The following CAPZB variants were observed in gnomAD, a reference collection of about 807,000 sequenced individuals.
The protein encoded by CAPZB is capping actin protein of muscle Z-line subunit beta, also known as F-actin-capping protein subunit beta.
In CAPZB, 2 loss-of-function variants were observed where a neutral mutation model predicts 38.1. That is an observed-to-expected ratio of 0.05 (90% CI 0.02 to 0.17). CAPZB has a LOEUF of 0.17. Ranked by LOEUF, CAPZB falls within the 10% of genes least tolerant of loss-of-function variation. The pLI, the probability that CAPZB is intolerant of heterozygous loss-of-function variation, is 1.00. For synonymous variants in CAPZB, 107 were observed against 127.4 expected (o/e 0.84, Z 1.08); for missense variants, 161 against 334.2 (o/e 0.48, Z 4.04).
At chr1:19,339,995 C>G (rs958270005) in intron 8 of CAPZB, among the ~76,000 whole-genome samples, 1 of 152,236 alleles carries the variant, frequency 6.6e-6, no homozygotes, top group Non-Finnish European at 1.5e-5. Flanking sequence ...CACAATGGAA[C>G]AAAGCCCCTC....
At chr1:19,402,489 C>T (rs1484652431) in intron 2 of CAPZB, among the ~76,000 whole-genome samples, 1 of 152,230 alleles carries the variant, frequency 6.6e-6, no homozygotes, top group Non-Finnish European at 1.5e-5. Context: ...CCAGAGTGTG[C>T]GCCCATCACC....
At position 19,485,425 on chromosome 1, in the gene CAPZB, G is replaced by A. The variant is rs533677873; in HGVS notation, c.3+11C>T. On this transcript the variant is annotated intron_variant, in intron 1 of 8. Transcript: ENST00000264202. ...GCCCCCGGGCCGGGGAGGGGGCCGTGCGGCCTTTACCATGGTGGCGGCGGC... is the reference window on the plus strand; with the variant it reads ...GCCCCCGGGCCGGGGAGGGGGCCGTACGGCCTTTACCATGGTGGCGGCGGC... 17 of 1,229,606 alleles carry A rather than the reference G, an allele frequency of 1.4e-5. No individual in the cohort carries two copies. The South Asian group carries it at 6.6e-4, about 48-fold the overall frequency. The allele number at this position is 1,229,606 out of a possible 1,614,324, so 76.2% of individuals were successfully genotyped here.
chr1:19,400,848 A>G (rs1166857155), intron 2 of CAPZB, among the ~76,000 whole-genome samples: 2 of 152,200 alleles, frequency 1.3e-5, no homozygotes, highest in African/African-American at 4.8e-5. Flanking sequence ...CTAGGTGACA[A>G]GAGCCATCTT....
intron 3 of CAPZB, among the ~76,000 whole-genome samples, chr1:19,384,159 T>C (rs1053685136): frequency 3.3e-5 from 5 of 152,230 alleles, no homozygotes; most frequent in African/African-American, 1.2e-4. Flanking sequence ...TAAATAACCC[T>C]GTGCTAACTT....
chr1:19,475,340 G>T (rs2094603175), intron 1 of CAPZB, among the ~76,000 whole-genome samples: 1 of 152,180 alleles, frequency 6.6e-6, no homozygotes, highest in Non-Finnish European at 1.5e-5. Flanking sequence ...CACTGCCCCT[G>T]GACTAGGAAT....
At chr1:19,384,832 G>C (rs563461309) in intron 3 of CAPZB, among the ~76,000 whole-genome samples, 1 of 152,270 alleles carries the variant, frequency 6.6e-6, no homozygotes, top group South Asian at 2.1e-4. Flanking sequence ...ACCCAGCTCA[G>C]ACATCACCTC....
chr1:19,468,064 C>T (rs2094574361), intron 1 of CAPZB, among the ~76,000 whole-genome samples: 1 of 152,174 alleles, frequency 6.6e-6, no homozygotes, highest in South Asian at 2.1e-4. Context: ...GATTGAGCCA[C>T]TGCACTCCAG....
chr1:19,346,583 A>C (rs1425276388), intron 6 of CAPZB, among the ~76,000 whole-genome samples: 1 of 151,650 alleles, frequency 6.6e-6, no homozygotes, highest in South Asian at 2.1e-4. Context: ...CTGGGGGGAG[A>C]TACTGTCTCA....
At chr1:19,382,149 C>T (rs2094178798) in intron 3 of CAPZB, among the ~76,000 whole-genome samples, 1 of 152,156 alleles carries the variant, frequency 6.6e-6, no homozygotes, top group South Asian at 2.1e-4. Context: ...GCCCATCTTT[C>T]GGGCAGACTG....
intron 2 of CAPZB, among the ~76,000 whole-genome samples, chr1:19,407,106 T>C (rs1226037048): frequency 6.6e-6 from 1 of 152,228 alleles, no homozygotes; most frequent in African/African-American, 2.4e-5. Flanking sequence ...AAGAATTTTG[T>C]AGAATTTGAA....
At chr1:19,367,400 G>A (rs1257730185) in intron 4 of CAPZB, among the ~76,000 whole-genome samples, 1 of 152,200 alleles carries the variant, frequency 6.6e-6, no homozygotes, top group Non-Finnish European at 1.5e-5. Context: ...AGGCAACCTC[G>A]ACGTGTTGTG....
intron 2 of CAPZB, among the ~76,000 whole-genome samples, chr1:19,392,371 C>G (rs1208277908): frequency 1.3e-5 from 2 of 151,882 alleles, no homozygotes; most frequent in Non-Finnish European, 2.9e-5. Context: ...GAGGGAAGAG[C>G]TGGCATGAGG....
intron 1 of CAPZB, among the ~76,000 whole-genome samples, chr1:19,425,510 T>C (rs1481110097): frequency 6.6e-6 from 1 of 152,170 alleles, no homozygotes; most frequent in Non-Finnish European, 1.5e-5. Flanking sequence ...AGTTACCCCA[T>C]TTTAAGCTGG....
chr1:19,441,158 A>G (rs2094475212), intron 1 of CAPZB, among the ~76,000 whole-genome samples: 1 of 152,262 alleles, frequency 6.6e-6, no homozygotes, highest in East Asian at 1.9e-4. Flanking sequence ...TATAAACGTA[A>G]GCAAGGCTGA....
At chr1:19,365,829 C>T (rs892675583) in intron 4 of CAPZB, among the ~76,000 whole-genome samples, 17 of 147,688 alleles carry the variant, frequency 1.2e-4, no homozygotes, top group Admixed American at 1.1e-3. Context: ...AGTGAAACTC[C>T]GTCTCAAAAA....
chr1:19,363,030 C>T (rs2094062051), intron 4 of CAPZB, among the ~76,000 whole-genome samples: 1 of 152,178 alleles, frequency 6.6e-6, no homozygotes, highest in Non-Finnish European at 1.5e-5. Context: ...TGAGTGCCAT[C>T]AGTTTTACCA....
intron 1 of CAPZB, among the ~76,000 whole-genome samples, chr1:19,449,809 CAGAG>C (rs2094508601): frequency 7.0e-6 from 1 of 143,630 alleles, no homozygotes; most frequent in Admixed American, 7.0e-5. Flanking sequence ...AAGAGAGAGA[CAGAG>C]AGAAAGAAAG....
chr1:19,478,963 C>T (rs890759647), intron 1 of CAPZB, among the ~76,000 whole-genome samples: 2 of 152,186 alleles, frequency 1.3e-5, no homozygotes, highest in African/African-American at 4.8e-5. Context: ...TAATCCCCAG[C>T]ACTTTGGGAG....
intron 3 of CAPZB, among the ~76,000 whole-genome samples, chr1:19,385,182 G>C (rs910383951): frequency 1.1e-4 from 16 of 152,116 alleles, no homozygotes; most frequent in African/African-American, 3.9e-4. Flanking sequence ...AATTATAATA[G>C]AACAGTTGTT....
Sources: gnomAD v4.1 joint callset for allele counts (sites outside exome capture counted in the v4.1 genomes callset) on GRCh38, gnomAD v4.1.1 for gene constraint, MANE v1.5 for transcripts, NCBI Gene and HGNC (gene_info 2026-07-23, HGNC 2026-07-21) for gene names.